The following TASOR variants were observed in gnomAD, a reference collection of about 807,000 sequenced individuals.
The protein encoded by TASOR is transcription activation suppressor, also known as protein TASOR.
In TASOR, 53 loss-of-function variants were observed where a neutral mutation model predicts 178.6. The observed-to-expected ratio is 0.30, with a 90% CI of 0.24 to 0.37. The LOEUF is 0.37. TASOR is among the 10% of genes least tolerant of loss of function. TASOR has a pLI of 1.00. For missense variants in TASOR, 1,815 were observed against 1,971.4 expected, an observed-to-expected ratio of 0.92 and a Z score of 1.50; for synonymous variants, 713 against 696.2, an observed-to-expected ratio of 1.02 and a Z score of -0.38.
rs753293395 is a variant in TASOR at position 56,641,675 on chromosome 3, T to C, written c.2293A>G (p.Ile765Val). The C allele has an allele frequency of 1.2e-6, 2 of 1,614,218 alleles. No individual in the cohort carries two copies. The highest frequency in any genetic ancestry group is 2.2e-5 in the South Asian group (2 of 91,086). The change falls in exon 15 of 24, where the codon ATT (isoleucine) becomes GTT (valine). Residue 765 changes from isoleucine to valine, a missense_variant. Physicochemically the swap from Ile to Val is conservative, Grantham distance 29. This residue lies in a region of TASOR where 655 missense variants were observed against 671.1 expected (regional missense o/e 0.98). Transcript: ENST00000683822. The part of the protein sequence containing the change: ...RQQQDTCNSG[I>V]ADIHRLFNWL... ...TTAAACAGCCTATGGATGTCAGCAA[T>C]GCCGGAGTTACAGGTATCCTGCTGC... is the stretch of plus-strand genomic sequence containing the variant.
chr3:56,648,434 C>G (rs1553725778), intron 13 of TASOR, among the ~76,000 whole-genome samples: 1 of 151,826 alleles, frequency 6.6e-6, no homozygotes, highest in Non-Finnish European at 1.5e-5. Flanking sequence ...TCGAGACCAG[C>G]CTGGCCAACA....
At chr3:56,631,042 G>C (rs1446525082) in intron 18 of TASOR, among the ~76,000 whole-genome samples, 1 of 152,068 alleles carries the variant, frequency 6.6e-6, no homozygotes, top group African/African-American at 2.4e-5. Flanking sequence ...CCCCCAAAGA[G>C]TACTGTGCTA....
intron 11 of TASOR, among the ~76,000 whole-genome samples, chr3:56,652,448 G>T (rs2077372117): frequency 6.6e-6 from 1 of 151,714 alleles, no homozygotes; most frequent in African/African-American, 2.4e-5. Flanking sequence ...CAGCTACCCA[G>T]GAGGATGAGG....
chr3:56,643,459 G>C (rs557558436), intron 14 of TASOR, among the ~76,000 whole-genome samples: 2 of 151,470 alleles, frequency 1.3e-5, no homozygotes, highest in African/African-American at 4.8e-5. Context: ...TCAAGATCAG[G>C]GTGTTTTAAA....
chr3:56,625,911 C>T (rs1039208512), intron 21 of TASOR, among the ~76,000 whole-genome samples: 10 of 152,198 alleles, frequency 6.6e-5, no homozygotes, highest in South Asian at 4.2e-4. Context: ...CGTAAGCCAC[C>T]GTGCCCGGCC....
rs766520389 is a variant in TASOR, at chr3:56,623,265, A to G, written c.4785T>C (p.Phe1595=). ...TATTTAATTGACTATGATAAACCTG[A>G]AAGTTACTATATGAATCTTGTTCTG... ...NSTEQDSYSN[F]QVYHSQLNMS... Residue 1595 remains phenylalanine (F), a synonymous_variant, in exon 24 of 24, where the codon TTT becomes TTC. Coordinates refer to ENST00000683822, the MANE Select transcript of TASOR (RefSeq NM_001365635.2). 4 of 1,613,594 alleles carry G rather than the reference A, an allele frequency of 2.5e-6. No homozygotes were observed. Among genetic ancestry groups the G allele is most frequent in the Non-Finnish European group, 2.5e-6 (3 of 1,179,912 alleles).
chr3:56,646,702 C>A lies in TASOR; in HGVS notation c.2035G>T (p.Asp679Tyr). ...AAATTAATCAATTCTTTGACTCTAT[C>A]CTTATCATAATCCAAAGAATGAGAT... is the stretch of plus-strand genomic sequence containing the variant. The part of the protein sequence containing the change: ...RSSHSLDYDK[D>Y]RVKELINLIQ... Residue 679 changes from aspartate to tyrosine, a missense_variant, in exon 14 of 24, where the codon GAT (aspartate) becomes TAT (tyrosine). Coordinates refer to ENST00000683822, the MANE Select transcript of TASOR (RefSeq NM_001365635.2). The A allele has an allele frequency of 6.2e-7, 1 of 1,613,876 alleles. No homozygotes were observed. The highest frequency in any genetic ancestry group is 8.5e-7 in the Non-Finnish European group (1 of 1,179,984).
chr3:56,668,117 G>A (rs911735579), intron 6 of TASOR, among the ~76,000 whole-genome samples: 1 of 152,162 alleles, frequency 6.6e-6, no homozygotes, highest in Non-Finnish European at 1.5e-5. Context: ...TGAGGGCAAT[G>A]ATCATATAAA....
intron 1 of TASOR, among the ~76,000 whole-genome samples, chr3:56,674,707 G>C (rs1007837033): frequency 1.1e-4 from 17 of 152,048 alleles, no homozygotes; most frequent in African/African-American, 4.1e-4. Flanking sequence ...ATATAGCTCA[G>C]CTCTCTCATA....
At chr3:56,647,946 C>G (rs1293953807) in intron 13 of TASOR, among the ~76,000 whole-genome samples, 1 of 152,204 alleles carries the variant, frequency 6.6e-6, no homozygotes, top group Non-Finnish European at 1.5e-5. Flanking sequence ...TGCCTCTAAT[C>G]CCAGCAGCTT....
intron 2 of TASOR, 68 bp downstream of exon 2, chr3:56,673,512 A>G (rs1015513957): frequency 1.0e-5 from 13 of 1,256,216 alleles, no homozygotes; most frequent in East Asian, 3.0e-5. Context: ...TTTCTAGAGA[A>G]CATTTTTTTC....
intron 14 of TASOR, among the ~76,000 whole-genome samples, chr3:56,644,817 G>A (rs2077202105): frequency 6.6e-6 from 1 of 152,212 alleles, no homozygotes; most frequent in Non-Finnish European, 1.5e-5. Context: ...GCAAAGAAAA[G>A]TAATGTCAAA....
In TASOR at chr3:56,670,353, T is replaced by C. The variant is rs372558979; in HGVS notation, c.571-208A>G. 1.3e-5 allele frequency among the ~76,000 whole-genome samples: 2 copies of C among 152,238 alleles called. 1 individual carries two copies. Among genetic ancestry groups the C allele is most frequent in the African/African-American group, 4.8e-5 (2 of 41,542 alleles). On this transcript the variant is annotated intron_variant, in intron 3 of 23. Transcript: ENST00000683822. Reference sequence around the variant, plus strand: ...AAAGTAACCATATCTAGAATCCATTTTTCTTCATTTTAATTTTTTTAGAGA... The same window carrying C: ...AAAGTAACCATATCTAGAATCCATTCTTCTTCATTTTAATTTTTTTAGAGA...
chr3:56,673,298 G>A (rs2030918383), intron 2 of TASOR, among the ~76,000 whole-genome samples: 1 of 151,994 alleles, frequency 6.6e-6, no homozygotes, highest in African/African-American at 2.4e-5. Flanking sequence ...CAGGTGCAGT[G>A]GCACATGACT....
chr3:56,623,279 A>C lies in TASOR; in HGVS notation c.4771T>G (p.Ser1591Ala). The change falls in exon 24 of 24, where the codon TCA becomes GCA. Residue 1591 changes from serine to alanine, a missense_variant. Physicochemically the swap from Ser to Ala is moderately conservative, Grantham distance 99 (BLOSUM62 1). Coordinates refer to ENST00000683822, the MANE Select transcript of TASOR (RefSeq NM_001365635.2). ...TGATAAACCTGAAAGTTACTATATG[A>C]ATCTTGTTCTGTTGAATTGCTGTTC... ...GENSNSTEQD[S>A]YSNFQVYHSQ... 1 of 1,613,546 alleles carries C rather than the reference A, an allele frequency of 6.2e-7. No individual in the cohort carries two copies.
At chr3:56,628,929 A>ATTTTTTTTTTT (rs58944810) in intron 18 of TASOR, 1 of 122,210 alleles carries the variant, frequency 8.2e-6, no homozygotes, top group Non-Finnish European at 1.6e-5. Flanking sequence ...TACCAGGCTA[A>ATTTTTTTTTTT]TTTTTTTTTT....
chr3:56,624,801 T>G, intron 22 of TASOR, 27 bp downstream of exon 22: 1 of 1,607,272 alleles, frequency 6.2e-7, no homozygotes, highest in Non-Finnish European at 8.5e-7. Flanking sequence ...ATATTCATAG[T>G]AGAAAGCTTA....
At chr3:56,669,822 A>G in intron 4 of TASOR, 31 bp from the exon 5 acceptor site, 1 of 1,436,316 alleles carries the variant, frequency 7.0e-7, no homozygotes. Flanking sequence ...AAGGAAACTG[A>G]TTATATTTTT....
chr3:56,632,102 T>C (rs1482008153), intron 18 of TASOR, among the ~76,000 whole-genome samples: 1 of 152,206 alleles, frequency 6.6e-6, no homozygotes, highest in Non-Finnish European at 1.5e-5. Flanking sequence ...TTTTTCTATA[T>C]GATTGATCAA....
Sources: allele counts gnomAD v4.1 joint callset (sites outside exome capture counted in the v4.1 genomes callset), GRCh38; gene constraint gnomAD v4.1.1; regional missense constraint gnomAD v4.1.1; transcripts MANE v1.5; gene names NCBI Gene and HGNC (gene_info 2026-07-23, HGNC 2026-07-21).